The following RNF125 variants were observed in gnomAD, a reference collection of about 807,000 sequenced individuals.
The protein encoded by RNF125 is E3 ubiquitin-protein ligase RNF125.
In RNF125, 21 loss-of-function variants were observed where a neutral mutation model predicts 26.0. The observed-to-expected ratio is 0.81, with a 90% CI of 0.57 to 1.16. The LOEUF (loss-of-function observed/expected upper bound fraction) is 1.16, where lower values mean the gene tolerates loss of function less well. Ranked by LOEUF, RNF125 falls within the 50% of genes most tolerant of loss-of-function variation. RNF125 has a pLI of 0.00. For missense variants in RNF125, 270 were observed against 299.4 expected (o/e 0.90, Z 0.72); for synonymous variants, 95 against 109.2 (o/e 0.87, Z 0.81).
chr18:32,051,958 G>C (rs936501777), intron 4 of RNF125, among the ~76,000 whole-genome samples: 19 of 151,802 alleles, frequency 1.3e-4, no homozygotes, highest in Non-Finnish European at 2.6e-4. Context: ...AGAGTGCTGG[G>C]ATTACAGGCG....
Position 32,068,365 on chromosome 18 carries a change from A to G in RNF125, c.680A>G (p.Asn227Ser). ...VLDRSLLEYV[N>S]HSNTT ...GACCGGTCACTTCTTGAATATGTGAATCACTCGAACACCACATAATTTTAT... is the reference window on the plus strand; with the variant it reads ...GACCGGTCACTTCTTGAATATGTGAGTCACTCGAACACCACATAATTTTAT... Residue 227 changes from asparagine (N) to serine (S), a missense_variant, in exon 6 of 6, where the codon AAT (asparagine) becomes AGT (serine). Asn to Ser is a conservative substitution (Grantham distance 46). Transcript: ENST00000217740. The G allele has an allele frequency of 6.3e-7, 1 of 1,590,172 alleles. No individual in the cohort carries two copies. The highest frequency in any genetic ancestry group is 8.6e-7 in the Non-Finnish European group (1 of 1,158,346).
intron 1 of RNF125, among the ~76,000 whole-genome samples, chr18:32,036,210 G>A (rs1035328377): frequency 6.6e-6 from 1 of 151,028 alleles, no homozygotes; most frequent in Non-Finnish European, 1.5e-5. Flanking sequence ...GGCTGGCCAC[G>A]CTGTTTTTGT....
At chr18:32,045,225 A>G (rs1012399099) in intron 3 of RNF125, among the ~76,000 whole-genome samples, 1 of 152,148 alleles carries the variant, frequency 6.6e-6, no homozygotes, top group African/African-American at 2.4e-5. Context: ...TGTGCTGTCC[A>G]AGATGTGTCC....
intron 1 of RNF125, among the ~76,000 whole-genome samples, chr18:32,023,239 G>A (rs1253424427): frequency 6.6e-6 from 1 of 152,168 alleles, no homozygotes; most frequent in Non-Finnish European, 1.5e-5. Context: ...TGCAACCTCT[G>A]CCTCCCAGGT....
intron 4 of RNF125, among the ~76,000 whole-genome samples, chr18:32,064,854 G>A (rs535135311): frequency 2.2e-4 from 33 of 152,080 alleles, no homozygotes; most frequent in Non-Finnish European, 4.3e-4. Flanking sequence ...CCTGGTAATT[G>A]CCATTTCTGG....
chr18:32,024,902 G>A (rs1241514720), intron 1 of RNF125, among the ~76,000 whole-genome samples: 6 of 152,100 alleles, frequency 3.9e-5, no homozygotes, highest in Non-Finnish European at 7.4e-5. Context: ...TCAACATGGC[G>A]AAACCTTGTC....
intron 4 of RNF125, among the ~76,000 whole-genome samples, chr18:32,064,400 T>TTC (rs1290927451): frequency 2.4e-4 from 29 of 119,578 alleles, no homozygotes; most frequent in South Asian, 8.2e-4. Flanking sequence ...CTTTTTCTTT[T>TTC]TTTTTTTTTT....
chr18:32,038,641 A>G (rs2039185394), intron 2 of RNF125, among the ~76,000 whole-genome samples: 1 of 152,190 alleles, frequency 6.6e-6, no homozygotes, highest in Non-Finnish European at 1.5e-5. Context: ...TGGGTACTAT[A>G]TCAGCTTCCC....
intron 4 of RNF125, among the ~76,000 whole-genome samples, chr18:32,047,212 A>AT (rs917829978): frequency 1.8e-4 from 27 of 151,872 alleles, no homozygotes; most frequent in African/African-American, 6.3e-4. Context: ...AATTTTTTGT[A>AT]TTTTTTTGAT....
Position 32,066,065 on chromosome 18 carries a change from C to A in RNF125, c.612+56C>A. ...TTTTCATGCTGTCTTGTTAAGCTTA[C>A]CTTTCCGATCCAAGTGAATAAAATT... is the stretch of plus-strand genomic sequence containing the variant. On this transcript the variant is annotated intron_variant, in intron 5 of 5. Transcript: ENST00000217740. 1.3e-5 allele frequency: 14 copies of A among 1,110,902 alleles called. No individual in the cohort carries two copies. The South Asian group carries it at 1.6e-4, about 13-fold the overall frequency. 68.8% of individuals were successfully genotyped at this position (1,110,902 alleles called of 1,614,324 possible).
the RNF125 span, among the ~76,000 whole-genome samples, chr18:32,084,448 G>A: frequency 6.6e-6 from 1 of 152,182 alleles, no homozygotes; most frequent in African/African-American, 2.4e-5. Context: ...ATCATTACTG[G>A]TCTACTCTAG....
At chr18:32,029,455 C>T (rs1377505363) in intron 1 of RNF125, among the ~76,000 whole-genome samples, 1 of 140,674 alleles carries the variant, frequency 7.1e-6, no homozygotes, top group East Asian at 2.1e-4. Flanking sequence ...GAGACCTCGT[C>T]TGTACAGAAA....
At position 32,028,691 on chromosome 18, in the gene RNF125, T is replaced by G. The variant is rs183521063; in HGVS notation, c.165-8425T>G. Reference sequence around the variant, plus strand: ...CCTCTACCTCCTGAGTAGCTGGGACTACAGGTGTGTGCCAACACGCCCGGC... The same window carrying G: ...CCTCTACCTCCTGAGTAGCTGGGACGACAGGTGTGTGCCAACACGCCCGGC... On this transcript the variant is annotated intron_variant, in intron 1 of 5. Coordinates refer to ENST00000217740, the MANE Select transcript of RNF125 (RefSeq NM_017831.4). 7.2e-4 allele frequency among the ~76,000 whole-genome samples: 109 copies of G among 151,618 alleles called. 2 individuals are homozygous for G. In the East Asian group the frequency reaches 0.019, roughly 27 times the overall value.
intron 4 of RNF125, among the ~76,000 whole-genome samples, chr18:32,052,567 C>G (rs1395312884): frequency 2.0e-5 from 3 of 151,502 alleles, no homozygotes; most frequent in Non-Finnish European, 4.4e-5. Flanking sequence ...TGAATATTTT[C>G]AGTGCATGTT....
intron 1 of RNF125, among the ~76,000 whole-genome samples, chr18:32,035,986 C>T (rs1444518334): frequency 6.6e-6 from 1 of 151,834 alleles, no homozygotes; most frequent in Non-Finnish European, 1.5e-5. Flanking sequence ...AACCCTGTCT[C>T]TACTAAAAAC....
chr18:32,059,112 T>A (rs975303933), intron 4 of RNF125, among the ~76,000 whole-genome samples: 1 of 152,190 alleles, frequency 6.6e-6, no homozygotes, highest in African/African-American at 2.4e-5. Flanking sequence ...AATATACTGA[T>A]TTCCTTTCTT....
At chr18:32,037,014 G>A in intron 1 of RNF125, 102 bp from the exon 2 acceptor site, 1 of 1,039,688 alleles carries the variant, frequency 9.6e-7, no homozygotes, top group Non-Finnish European at 1.4e-6. Context: ...GGCTCATGGG[G>A]TACGAGGTGT....
chr18:32,037,497 C>T (rs79382971), intron 2 of RNF125, among the ~76,000 whole-genome samples: 1,834 of 150,894 alleles, frequency 0.012, 33 homozygotes, highest in African/African-American at 0.042. Flanking sequence ...CGCAGCTTCT[C>T]GAGTAGCTGG....
rs562936878 is a variant in RNF125 at position 32,037,284 on chromosome 18, C to T, written c.318+15C>T. The T allele has an allele frequency of 2.0e-5, 31 of 1,519,490 alleles. No homozygotes were observed. In the East Asian group the frequency reaches 7.5e-4, roughly 37 times the overall value. The allele number at this position is 1,519,490 out of a possible 1,614,324, so 94.1% of individuals were successfully genotyped here. A position where few individuals can be genotyped will look rare whatever the true frequency, so the allele number is the denominator to read the frequency against. ...GTGACACCCTGGTATGTATGTGACCCCACCTATTTTCATGGTTACCAGCTT... is the reference window on the plus strand; with the variant it reads ...GTGACACCCTGGTATGTATGTGACCTCACCTATTTTCATGGTTACCAGCTT... On this transcript the variant is annotated intron_variant, in intron 2 of 5. Coordinates refer to ENST00000217740, the MANE Select transcript of RNF125 (RefSeq NM_017831.4).
Sources: allele counts gnomAD v4.1 joint callset (sites outside exome capture counted in the v4.1 genomes callset), GRCh38; gene constraint gnomAD v4.1.1; transcripts MANE v1.5; gene names NCBI Gene and HGNC (gene_info 2026-07-23, HGNC 2026-07-21).